TTC4: variants seen among roughly 807,000 people sequenced by gnomAD.
TTC4 encodes tetratricopeptide repeat domain 4, also known as hsp70/Hsp90 co-chaperone CNS1 homolog.
Under a neutral mutation model 51.9 loss-of-function variants are expected in TTC4, and 36 were observed. The observed-to-expected ratio is 0.69, with a 90% CI of 0.53 to 0.92. The LOEUF (loss-of-function observed/expected upper bound fraction) is 0.92. Among genes scored for constraint, TTC4 ranks in the 40% least tolerant of loss-of-function variants. The pLI is 0.00. For missense variants in TTC4, 399 were observed against 454.6 expected, an observed-to-expected ratio of 0.88 and a Z score of 1.11; for synonymous variants, 144 against 164.2, an observed-to-expected ratio of 0.88 and a Z score of 0.94.
chr1:54,715,887 G>T lies in TTC4; in HGVS notation c.-22G>T, dbSNP rs1397349778. On this transcript the variant is annotated 5_prime_UTR_variant, in exon 1 of 10. Transcript: ENST00000371281. The stretch of plus-strand genomic sequence containing the variant: ...CTCGCTTCACGGCGCTGGGACCCGG[G>T]CTGGAAGGCAGGGCATCAGCTATGG... The T allele has an allele frequency of 1.0e-5, 16 of 1,578,716 alleles. No individual in the cohort carries two copies. The highest frequency in any genetic ancestry group is 1.4e-5 in the Non-Finnish European group (16 of 1,158,766).
intron 1 of TTC4, 41 bp downstream of exon 1, chr1:54,716,060 G>T (rs1487616893): frequency 6.6e-7 from 1 of 1,507,756 alleles, no homozygotes; most frequent in Admixed American, 2.0e-5. Flanking sequence ...TAGGGGCGTC[G>T]TCCGGACTCG....
chr1:54,728,435 GA>G lies in TTC4; in HGVS notation c.681+4del. 1 of 1,611,284 alleles carries G rather than the reference GA, an allele frequency of 6.2e-7. No individual in the cohort carries two copies. The highest frequency in any genetic ancestry group is 8.5e-7 in the Non-Finnish European group (1 of 1,178,346). The stretch of plus-strand genomic sequence containing the variant: ...AGGCTTTACTCCAGGCCATCAAGGT[GA>G]GTTCTTAAACCTTAGGTTTTTATGG... On this transcript the variant is annotated splice_donor_region_variant and intron_variant, in intron 6 of 9. Coordinates refer to ENST00000371281, the MANE Select transcript of TTC4 (RefSeq NM_004623.5).
chr1:54,726,153 C>CTACCT (rs1301937621), intron 5 of TTC4, among the ~76,000 whole-genome samples: 1 of 152,122 alleles, frequency 6.6e-6, no homozygotes, highest in Non-Finnish European at 1.5e-5. Context: ...AAAGTGATCT[C>CTACCT]TACCTAAACA....
Position 54,717,539 on chromosome 1 carries a change from A to C in TTC4, c.277A>C (p.Lys93Gln). ...KDEGNDYFKEKDYKKAVISYT... is the reference protein window; with the variant it reads ...KDEGNDYFKEQDYKKAVISYT... ...TGAGGGCAATGATTACTTTAAAGAA[A>C]AAGACTACAAGAAAGCTGTAATTTC... The change falls in exon 3 of 10, where the codon AAA becomes CAA. Residue 93 changes from lysine to glutamine, a missense_variant. By Grantham distance (53) the Lys-to-Gln change is moderately conservative (BLOSUM62 1). This residue lies in a region of TTC4 where 316 missense variants were observed against 349.6 expected (regional missense o/e 0.90). Coordinates refer to ENST00000371281, the MANE Select transcript of TTC4 (RefSeq NM_004623.5). The C allele has an allele frequency of 6.2e-7, 1 of 1,609,668 alleles. No individual in the cohort carries two copies. Among genetic ancestry groups the C allele is most frequent in the African/African-American group, 1.3e-5 (1 of 74,836 alleles).
intron 5 of TTC4, among the ~76,000 whole-genome samples, chr1:54,727,959 G>A (rs1645821389): frequency 6.6e-6 from 1 of 152,140 alleles, no homozygotes; most frequent in African/African-American, 2.4e-5. Flanking sequence ...ATACCCACTA[G>A]GGTGGTTATA....
chr1:54,736,175 GGA>G (rs11292044), intron 8 of TTC4, among the ~76,000 whole-genome samples: 2,745 of 100,550 alleles, frequency 0.027, 44 homozygotes, highest in African/African-American at 0.032. Flanking sequence ...AAGAAAGAAA[GGA>G]GAGAGAGAGA....
chr1:54,734,198 AGTAGCTG>A (rs1472417913), intron 8 of TTC4, among the ~76,000 whole-genome samples: 7 of 151,546 alleles, frequency 4.6e-5, no homozygotes, highest in African/African-American at 1.7e-4. Flanking sequence ...CAGCCTCCTG[AGTAGCTG>A]GGATTATAGA....
chr1:54,740,038 G>C (rs1206217696), intron 9 of TTC4, among the ~76,000 whole-genome samples: 2 of 152,070 alleles, frequency 1.3e-5, no homozygotes, highest in East Asian at 3.9e-4. Flanking sequence ...TCTTTTTTAT[G>C]GTGTTGTGCA....
At chr1:54,731,727 C>A (rs904373996) in intron 7 of TTC4, 27 bp downstream of exon 7, 1 of 1,600,904 alleles carries the variant, frequency 6.2e-7, no homozygotes. Context: ...GAGCCCTCTG[C>A]TTTTGCTTGC....
At chr1:54,720,751 G>A (rs902717199) in intron 3 of TTC4, among the ~76,000 whole-genome samples, 1 of 151,974 alleles carries the variant, frequency 6.6e-6, no homozygotes, top group African/African-American at 2.4e-5. Flanking sequence ...CTGCACATTT[G>A]TTCAAGTATT....
intron 8 of TTC4, among the ~76,000 whole-genome samples, chr1:54,735,775 AT>A (rs1382593758): frequency 2.0e-5 from 3 of 152,308 alleles, no homozygotes; most frequent in Non-Finnish European, 4.4e-5. Flanking sequence ...ATTTATTTAT[AT>A]TGGTGGATTT....
At chr1:54,735,013 T>C (rs1455712087) in intron 8 of TTC4, among the ~76,000 whole-genome samples, 2 of 152,160 alleles carry the variant, frequency 1.3e-5, no homozygotes, top group African/African-American at 4.8e-5. Context: ...TTAGTGATCA[T>C]GTCCCCTTAG....
chr1:54,738,522 C>T (rs958814131), intron 9 of TTC4, among the ~76,000 whole-genome samples: 1 of 152,190 alleles, frequency 6.6e-6, no homozygotes, highest in African/African-American at 2.4e-5. Context: ...AAAACTCAGC[C>T]ATTGGTCAAA....
chr1:54,719,626 C>T lies in TTC4; in HGVS notation c.392-1537C>T, dbSNP rs192298205. On this transcript the variant is annotated intron_variant, in intron 3 of 9. Coordinates refer to ENST00000371281, the MANE Select transcript of TTC4 (RefSeq NM_004623.5). ...TTAATTTTATAACAAACAATTTCACCGTCATTAAAAATCATTTCTGAATGT... is the reference window on the plus strand; with the variant it reads ...TTAATTTTATAACAAACAATTTCACTGTCATTAAAAATCATTTCTGAATGT... Among the ~76,000 whole-genome samples the T allele has an allele frequency of 2.9e-4, 44 of 152,182 alleles. No individual in the cohort carries two copies. The East Asian group carries it at 2.9e-3, about 10-fold the overall frequency.
chr1:54,739,437 T>C (rs1272916231), intron 9 of TTC4, among the ~76,000 whole-genome samples: 3 of 152,228 alleles, frequency 2.0e-5, no homozygotes, highest in African/African-American at 7.2e-5. Context: ...ATGGGAGTAA[T>C]ACATGCCTAC....
intron 9 of TTC4, 56 bp from the exon 10 acceptor site, chr1:54,741,355 G>A: frequency 1.4e-6 from 2 of 1,444,162 alleles, no homozygotes; most frequent in Non-Finnish European, 2.0e-6. Context: ...GAAGGTGCAT[G>A]GATGGTTAAG....
In TTC4 at chr1:54,716,699, G is replaced by A; in HGVS notation, c.211G>A (p.Glu71Lys). 1 of 1,612,236 alleles carries A rather than the reference G, an allele frequency of 6.2e-7. No homozygotes were observed. The highest frequency in any genetic ancestry group is 8.5e-7 in the Non-Finnish European group (1 of 1,179,586). Reference protein sequence around the residue: ...LACLQSIIFDEERSPEEQAKT... With the variant: ...LACLQSIIFDKERSPEEQAKT... ...TTGTCTCCAGTCAATTATTTTTGAT[G>A]AGGAGCGTTCTCCAGAAGGTATCTT... Residue 71 changes from glutamate (E) to lysine (K), a missense_variant, in exon 2 of 10, where the codon GAG becomes AAG. By Grantham distance (56) the Glu-to-Lys change is moderately conservative. Coordinates refer to ENST00000371281, the MANE Select transcript of TTC4 (RefSeq NM_004623.5).
chr1:54,722,548 G>C, intron 4 of TTC4, 127 bp from the exon 5 acceptor site: 1 of 1,334,126 alleles, frequency 7.5e-7, no homozygotes, highest in Non-Finnish European at 1.0e-6. Flanking sequence ...TGCAGTATAA[G>C]GGGCATTATC....
chr1:54,718,788 A>G (rs57400910), intron 3 of TTC4, among the ~76,000 whole-genome samples: 10,115 of 151,326 alleles, frequency 0.067, 435 homozygotes, highest in African/African-American at 0.12. Flanking sequence ...GTTTTTTTTA[A>G]AAATAATTTA....
Sources: allele counts gnomAD v4.1 joint callset (sites outside exome capture counted in the v4.1 genomes callset), GRCh38; gene constraint gnomAD v4.1.1; regional missense constraint gnomAD v4.1.1; transcripts MANE v1.5; gene names NCBI Gene and HGNC (gene_info 2026-07-23, HGNC 2026-07-21).